Variants in RIOX1 observed in about 807,000 individuals in gnomAD.
The protein encoded by RIOX1 is ribosomal oxygenase 1, also known as 60S ribosomal protein L8 histidine hydroxylase.
Under a neutral mutation model 44.6 loss-of-function variants are expected in RIOX1, and 33 were observed. The observed-to-expected ratio is 0.74, with a 90% CI of 0.56 to 0.99. The LOEUF is 0.99. Ranked by LOEUF, RIOX1 falls within the 50% of genes least tolerant of loss-of-function variation. The pLI is 0.00. For missense variants in RIOX1, 821 were observed against 871.7 expected (o/e 0.94, Z 0.73); for synonymous variants, 387 against 395.8 (o/e 0.98, Z 0.26).
At position 73,492,986 on chromosome 14, in the gene RIOX1, C is replaced by T. The variant is rs1885877545; in HGVS notation, c.*43C>T. The T allele has an allele frequency of 1.3e-6, 2 of 1,586,250 alleles. No individual in the cohort carries two copies. Among genetic ancestry groups the T allele is most frequent in the Non-Finnish European group, 1.7e-6 (2 of 1,171,752 alleles). On this transcript the variant is annotated 3_prime_UTR_variant, in exon 1 of 1. Transcript: ENST00000304061. This position sits in a 1 kb window ranked among gnomAD's most constrained non-coding sequence, Gnocchi z 4.9. ...GAAACAAGGCAGTAGTGATTCTCCG[C>T]TGCCACTGCTACCTTTTTTTTTTTT...
In RIOX1 at chr14:73,493,167, A is replaced by C. The variant is rs756570824; in HGVS notation, c.*224A>C. On this transcript the variant is annotated 3_prime_UTR_variant, in exon 1 of 1. Coordinates refer to ENST00000304061, the MANE Select transcript of RIOX1 (RefSeq NM_024644.5). ...AGGAGAAGTTGGAGGTGGAAAAAAA[A>C]CCCTTGATCCGTGATCATTTCAGAG... is the stretch of plus-strand genomic sequence containing the variant. The C allele has an allele frequency of 2.1e-5, 33 of 1,540,644 alleles. No individual in the cohort carries two copies. Among genetic ancestry groups the C allele is most frequent in the South Asian group, 1.2e-4 (11 of 89,264 alleles).
chr14:73,493,101 G>T lies in RIOX1; in HGVS notation c.*158G>T, dbSNP rs764279758. 17 of 1,611,652 alleles carry T rather than the reference G, an allele frequency of 1.1e-5. No homozygotes were observed. Among genetic ancestry groups the T allele is most frequent in the Non-Finnish European group, 7.6e-6 (9 of 1,179,778 alleles). On this transcript the variant is annotated 3_prime_UTR_variant, in exon 1 of 1. Transcript: ENST00000304061. ...GCTTCAGTGTCACAAACCTCGGAAGGTCTTCTAGGAAGAACCATCTCATCT... is the reference window on the plus strand; with the variant it reads ...GCTTCAGTGTCACAAACCTCGGAAGTTCTTCTAGGAAGAACCATCTCATCT...
chr14:73,493,262 A>G lies in RIOX1; in HGVS notation c.*319A>G. On this transcript the variant is annotated 3_prime_UTR_variant, in exon 1 of 1. Coordinates refer to ENST00000304061, the MANE Select transcript of RIOX1 (RefSeq NM_024644.5). ...GACCATGTCGTTCTGCTTGAGACAG[A>G]TATTAGATTTTTTTTGGAATTTGGA... 1 of 667,548 alleles carries G rather than the reference A, an allele frequency of 1.5e-6. No individual in the cohort carries two copies. The highest frequency in any genetic ancestry group is 2.6e-6 in the Non-Finnish European group (1 of 390,796). The allele number at this position is 667,548 out of a possible 1,614,324, so 41.4% of individuals were successfully genotyped here. A position where few individuals can be genotyped will look rare whatever the true frequency, so the allele number is the denominator to read the frequency against.
chr14:73,493,079 T>G lies in RIOX1; in HGVS notation c.*136T>G, dbSNP rs770849670. ...GCTCACATTTACCTTTATCACTGCT[T>G]CAGTGTCACAAACCTCGGAAGGTCT... On this transcript the variant is annotated 3_prime_UTR_variant, in exon 1 of 1. Coordinates refer to ENST00000304061, the MANE Select transcript of RIOX1 (RefSeq NM_024644.5). The G allele has an allele frequency of 1.1e-5, 17 of 1,612,694 alleles. No individual in the cohort carries two copies. The highest frequency in any genetic ancestry group is 1.4e-5 in the Non-Finnish European group (17 of 1,179,726).
Position 73,492,085 on chromosome 14 carries a change from C to A in RIOX1, c.1068C>A (p.Leu356=). The A allele has an allele frequency of 6.2e-7, 1 of 1,613,992 alleles. No individual in the cohort carries two copies. The highest frequency in any genetic ancestry group is 8.5e-7 in the Non-Finnish European group (1 of 1,179,884). ...TGCTGCAGCTGGAAGGTAGGAAACT[C>A]TGGCGTGTATACCGACCCCGAGTCC... The part of the protein sequence containing the change: ...AFVLQLEGRK[L]WRVYRPRVPT... The change falls in exon 1 of 1, where the codon CTC becomes CTA. Residue 356 remains leucine, a synonymous_variant. Coordinates refer to ENST00000304061, the MANE Select transcript of RIOX1 (RefSeq NM_024644.5). The surrounding 1 kb of genome is among the most constrained non-coding windows in gnomAD (Gnocchi z 4.9).
Position 73,491,528 on chromosome 14 carries a change from C to T in RIOX1, c.511C>T (p.Gln171Ter), listed in dbSNP as rs1885740740. The T allele has an allele frequency of 6.6e-7, 1 of 1,525,658 alleles. No individual in the cohort carries two copies. Among genetic ancestry groups the T allele is most frequent in the Non-Finnish European group, 8.8e-7 (1 of 1,140,884 alleles). 94.5% of individuals were successfully genotyped at this position (1,525,658 alleles called of 1,614,324 possible). A position where few individuals can be genotyped will look rare whatever the true frequency, so the allele number is the denominator to read the frequency against. Residue 171 changes from glutamine to a stop codon, truncating the protein, a stop_gained, in exon 1 of 1, where the codon CAG (glutamine) becomes TAG (stop). Transcript: ENST00000304061. LOFTEE classifies it high-confidence loss of function. ...SGAPATASGP[Q>*]VDNTGGEPAW... Reference sequence around the variant, plus strand: ...GGCCCCTGCGACGGCGTCGGGGCCGCAGGTGGATAACACGGGTGGGGAGCC... The same window carrying T: ...GGCCCCTGCGACGGCGTCGGGGCCGTAGGTGGATAACACGGGTGGGGAGCC...
In RIOX1 at chr14:73,493,159, GAAA is replaced by G. The variant is rs755326030; in HGVS notation, c.*222_*224del. The stretch of plus-strand genomic sequence containing the variant: ...AAAGGAAAAGGAGAAGTTGGAGGTG[GAAA>G]AAAAACCCTTGATCCGTGATCATTT... On this transcript the variant is annotated 3_prime_UTR_variant, in exon 1 of 1. Coordinates refer to ENST00000304061, the MANE Select transcript of RIOX1 (RefSeq NM_024644.5). 6.4e-7 allele frequency: 1 copy of G among 1,565,518 alleles called. No individual in the cohort carries two copies. The highest frequency in any genetic ancestry group is 1.4e-5 in the African/African-American group (1 of 73,020).
In RIOX1 at chr14:73,493,346, T is replaced by A. The variant is rs1364051701; in HGVS notation, c.*403T>A. ...GGGGTCAGTATCCTGTTTGTTATTGTTAAATTTGTATGAACCTTAGAAAAG... is the reference window on the plus strand; with the variant it reads ...GGGGTCAGTATCCTGTTTGTTATTGATAAATTTGTATGAACCTTAGAAAAG... On this transcript the variant is annotated 3_prime_UTR_variant, in exon 1 of 1. Transcript: ENST00000304061. 2.0e-6 allele frequency: 1 copy of A among 501,782 alleles called. No homozygotes were observed. The highest frequency in any genetic ancestry group is 3.3e-5 in the East Asian group (1 of 30,126). 31.1% of individuals were successfully genotyped at this position (501,782 alleles called of 1,614,324 possible).
rs771875260 is a variant in RIOX1, at chr14:73,491,027, C to T, written c.10C>T (p.Leu4Phe). The T allele has an allele frequency of 3.3e-5, 51 of 1,546,006 alleles. 1 individual carries two copies. In the South Asian group the frequency reaches 6.0e-4, roughly 18 times the overall value. The change falls in exon 1 of 1, where the codon CTC (leucine) becomes TTC (phenylalanine). Residue 4 changes from leucine (L) to phenylalanine (F), a missense_variant. By Grantham distance (22) the Leu-to-Phe change is conservative. This residue lies in a region of RIOX1 where 554 missense variants were observed against 531.2 expected (regional missense o/e 1.04). Transcript: ENST00000304061. MDG[L>F]QASAGPLRRG... The stretch of plus-strand genomic sequence containing the variant: ...CTGGTGTGGTCTGGCCATGGATGGG[C>T]TCCAGGCCAGTGCAGGGCCGTTGAG...
chr14:73,491,076 G>A lies in RIOX1; in HGVS notation c.59G>A (p.Arg20His), dbSNP rs1355217188. The A allele has an allele frequency of 1.3e-6, 2 of 1,596,574 alleles. No individual in the cohort carries two copies. The highest frequency in any genetic ancestry group is 1.7e-5 in the Admixed American group (1 of 57,882). The change falls in exon 1 of 1, where the codon CGC becomes CAC. Residue 20 changes from arginine to histidine, a missense_variant. By Grantham distance (29) the Arg-to-His change is conservative (BLOSUM62 0). Coordinates refer to ENST00000304061, the MANE Select transcript of RIOX1 (RefSeq NM_024644.5). The stretch of plus-strand genomic sequence containing the variant: ...AGGCGCGGGCGGCCGAAGCGCCGGC[G>A]CAAGCCCCAGCCACACAGCGGGTCG... Reference protein sequence around the residue: ...PLRRGRPKRRRKPQPHSGSVL... With the variant: ...PLRRGRPKRRHKPQPHSGSVL...
At position 73,491,239 on chromosome 14, in the gene RIOX1, C is replaced by G; in HGVS notation, c.222C>G (p.Asp74Glu). ...EESRVESTAD[D>E]LGDALPGGAA... ...CGAGGGTGGAGTCGACGGCCGACGA[C>G]CTGGGGGACGCGCTACCCGGTGGGG... is the stretch of plus-strand genomic sequence containing the variant. The change falls in exon 1 of 1, where the codon GAC becomes GAG. Residue 74 changes from aspartate to glutamate, a missense_variant. This residue lies in a region of RIOX1 where 554 missense variants were observed against 531.2 expected (regional missense o/e 1.04). Transcript: ENST00000304061. 6.3e-7 allele frequency: 1 copy of G among 1,589,512 alleles called. No individual in the cohort carries two copies. The highest frequency in any genetic ancestry group is 8.6e-7 in the Non-Finnish European group (1 of 1,166,340).
chr14:73,491,612 C>G lies in RIOX1; in HGVS notation c.595C>G (p.Arg199Gly), dbSNP rs1389515839. 9.0e-6 allele frequency: 14 copies of G among 1,547,092 alleles called. No individual in the cohort carries two copies. The highest frequency in any genetic ancestry group is 2.0e-5 in the Admixed American group (1 of 50,902). Residue 199 changes from arginine to glycine, a missense_variant, in exon 1 of 1, where the codon CGG (arginine) becomes GGG (glycine). Physicochemically the swap from Arg to Gly is moderately radical, Grantham distance 125. Coordinates refer to ENST00000304061, the MANE Select transcript of RIOX1 (RefSeq NM_024644.5). The stretch of plus-strand genomic sequence containing the variant: ...CGAGCTGAACCGCATCCCCAGCAGC[C>G]GGCGGCGAGCGGCCCGCCTCTTTGA... ...LAELNRIPSSRRRAARLFEWL... is the reference protein window; with the variant it reads ...LAELNRIPSSGRRAARLFEWL...
Position 73,492,497 on chromosome 14 carries a change from G to A in RIOX1, c.1480G>A (p.Val494Ile), listed in dbSNP as rs758170691. ...TGCCCGCCTGGGACACTTTGCTCCTGTTGATGCTGTGGCCGACCAGCGAGC... is the reference window on the plus strand; with the variant it reads ...TGCCCGCCTGGGACACTTTGCTCCTATTGATGCTGTGGCCGACCAGCGAGC... ...LVARLGHFAP[V>I]DAVADQRAKD... Residue 494 changes from valine (V) to isoleucine (I), a missense_variant, in exon 1 of 1, where the codon GTT (valine) becomes ATT (isoleucine). This residue lies in a region of RIOX1 where 267 missense variants were observed against 340.5 expected (regional missense o/e 0.78). Transcript: ENST00000304061. The surrounding 1 kb of genome is among the most constrained non-coding windows in gnomAD (Gnocchi z 4.9). 1.2e-6 allele frequency: 2 copies of A among 1,613,704 alleles called. No homozygotes were observed. The highest frequency in any genetic ancestry group is 2.2e-5 in the South Asian group (2 of 91,034).
In RIOX1 at chr14:73,491,534, G is replaced by T; in HGVS notation, c.517G>T (p.Asp173Tyr). The T allele has an allele frequency of 6.5e-7, 1 of 1,529,608 alleles. No homozygotes were observed. Among genetic ancestry groups the T allele is most frequent in the Non-Finnish European group, 8.8e-7 (1 of 1,142,162 alleles). 94.8% of individuals were successfully genotyped at this position (1,529,608 alleles called of 1,614,324 possible). ...TGCGACGGCGTCGGGGCCGCAGGTG[G>T]ATAACACGGGTGGGGAGCCGGCCTG... ...APATASGPQVDNTGGEPAWDS... is the reference protein window; with the variant it reads ...APATASGPQVYNTGGEPAWDS... The change falls in exon 1 of 1, where the codon GAT (aspartate) becomes TAT (tyrosine). Residue 173 changes from aspartate to tyrosine, a missense_variant. This residue lies in a region of RIOX1 where 554 missense variants were observed against 531.2 expected (regional missense o/e 1.04). Transcript: ENST00000304061.
rs1046276951 is a variant in RIOX1 at position 73,491,516 on chromosome 14, G to A, written c.499G>A (p.Ala167Thr). Residue 167 changes from alanine to threonine, a missense_variant, in exon 1 of 1, where the codon GCG becomes ACG. Physicochemically the swap from Ala to Thr is moderately conservative, Grantham distance 58 (BLOSUM62 0). Coordinates refer to ENST00000304061, the MANE Select transcript of RIOX1 (RefSeq NM_024644.5). ...AVQSSGAPAT[A>T]SGPQVDNTGG... The stretch of plus-strand genomic sequence containing the variant: ...CCAGTCGTCCGGGGCCCCTGCGACG[G>A]CGTCGGGGCCGCAGGTGGATAACAC... The A allele has an allele frequency of 1.6e-5, 24 of 1,514,542 alleles. No homozygotes were observed. In the African/African-American group the frequency reaches 3.5e-4, roughly 22 times the overall value. 93.8% of individuals were successfully genotyped at this position (1,514,542 alleles called of 1,614,324 possible). A position where few individuals can be genotyped will look rare whatever the true frequency, so the allele number is the denominator to read the frequency against.
In RIOX1 at chr14:73,491,214, C is replaced by A; in HGVS notation, c.197C>A (p.Ser66Ter). The A allele has an allele frequency of 1.3e-6, 2 of 1,591,420 alleles. No individual in the cohort carries two copies. Among genetic ancestry groups the A allele is most frequent in the Non-Finnish European group, 1.7e-6 (2 of 1,167,374 alleles). Residue 66 changes from serine (S) to a stop codon, truncating the protein, a stop_gained, in exon 1 of 1, where the codon TCG becomes TAG. Transcript: ENST00000304061. LOFTEE classifies it high-confidence loss of function. Reference sequence around the variant, plus strand: ...CTGCCTAGCGAGAACTCGGAGGAATCGAGGGTGGAGTCGACGGCCGACGAC... The same window carrying A: ...CTGCCTAGCGAGAACTCGGAGGAATAGAGGGTGGAGTCGACGGCCGACGAC... ...QTLPSENSEE[S>*]RVESTADDLG...
In RIOX1 at chr14:73,491,037, G is replaced by C. The variant is rs1404393540; in HGVS notation, c.20G>C (p.Ser7Thr). 1 of 1,582,448 alleles carries C rather than the reference G, an allele frequency of 6.3e-7. No homozygotes were observed. The highest frequency in any genetic ancestry group is 2.3e-5 in the East Asian group (1 of 43,108). Reference protein sequence around the residue: MDGLQASAGPLRRGRPK... With the variant: MDGLQATAGPLRRGRPK... Reference sequence around the variant, plus strand: ...CTGGCCATGGATGGGCTCCAGGCCAGTGCAGGGCCGTTGAGGCGCGGGCGG... The same window carrying C: ...CTGGCCATGGATGGGCTCCAGGCCACTGCAGGGCCGTTGAGGCGCGGGCGG... The change falls in exon 1 of 1, where the codon AGT becomes ACT. Residue 7 changes from serine (S) to threonine (T), a missense_variant. Coordinates refer to ENST00000304061, the MANE Select transcript of RIOX1 (RefSeq NM_024644.5).
At position 73,492,610 on chromosome 14, in the gene RIOX1, G is replaced by A. The variant is rs1323738770; in HGVS notation, c.1593G>A (p.Glu531=). ...TTTACGGGCTTCCAATTCGCTGGGAGGCTGGAGAACCTGTAAACGTGGGGG... is the reference window on the plus strand; with the variant it reads ...TTTACGGGCTTCCAATTCGCTGGGAAGCTGGAGAACCTGTAAACGTGGGGG... ...LSVYGLPIRW[E]AGEPVNVGAQ... Residue 531 remains glutamate (E), a synonymous_variant, in exon 1 of 1, where the codon GAG becomes GAA. Transcript: ENST00000304061. The surrounding 1 kb of genome is among the most constrained non-coding windows in gnomAD (Gnocchi z 4.9). The A allele has an allele frequency of 1.2e-6, 2 of 1,613,954 alleles. No homozygotes were observed.
Position 73,493,173 on chromosome 14 carries a change from G to T in RIOX1, c.*230G>T. The stretch of plus-strand genomic sequence containing the variant: ...AGTTGGAGGTGGAAAAAAAACCCTT[G>T]ATCCGTGATCATTTCAGAGCACCAA... On this transcript the variant is annotated 3_prime_UTR_variant, in exon 1 of 1. Transcript: ENST00000304061. 6.7e-7 allele frequency: 1 copy of T among 1,490,342 alleles called. No homozygotes were observed. The highest frequency in any genetic ancestry group is 1.1e-5 in the South Asian group (1 of 88,168). 92.3% of individuals were successfully genotyped at this position (1,490,342 alleles called of 1,614,324 possible). A position where few individuals can be genotyped will look rare whatever the true frequency, so the allele number is the denominator to read the frequency against.
Sources: gnomAD v4.1 joint callset for allele counts on GRCh38, gnomAD v4.1.1 for gene constraint, gnomAD v4.1.1 regional missense constraint, Gnocchi (gnomAD v3.1) non-coding constraint, MANE v1.5 for transcripts, NCBI Gene and HGNC (gene_info 2026-07-23, HGNC 2026-07-21) for gene names.